PPM1F: variants seen among roughly 807,000 people sequenced by gnomAD.
The protein encoded by PPM1F is protein phosphatase, Mg2+/Mn2+ dependent 1F.
In PPM1F, 17 loss-of-function variants were observed where a neutral mutation model predicts 35.5. The ratio of observed to expected loss-of-function variants is 0.48; its 90% confidence interval spans 0.33 to 0.72. The LOEUF is 0.72. Ranked by LOEUF, PPM1F falls within the 30% of genes least tolerant of loss-of-function variation. The pLI is 0.02. For missense variants in PPM1F, 521 were observed against 613.0 expected (o/e 0.85, Z 1.59); for synonymous variants, 241 against 255.5 (o/e 0.94, Z 0.54).
chr22:21,923,287 G>T lies in PPM1F; in HGVS notation c.1170C>A (p.Ala390=), dbSNP rs141445899. The change falls in exon 8 of 8, where the codon GCC becomes GCA. Residue 390 remains alanine (A), a synonymous_variant. Transcript: ENST00000263212. The part of the protein sequence containing the change: ...TRQQGSGLRV[A]EELVAAARER... ...CCCGGGCCGCAGCCACCAGCTCCTC[G>T]GCGACACGGAGCCCGCTGCCCTGCT... is the stretch of plus-strand genomic sequence containing the variant. The T allele has an allele frequency of 6.2e-7, 1 of 1,613,428 alleles. No individual in the cohort carries two copies. Among genetic ancestry groups the T allele is most frequent in the Non-Finnish European group, 8.5e-7 (1 of 1,179,942 alleles).
At chr22:21,946,645 G>C (rs1331397801) in intron 1 of PPM1F, 1 of 152,402 alleles carries the variant, frequency 6.6e-6, no homozygotes, top group Non-Finnish European at 1.5e-5. Flanking sequence ...AGGCCAGAGT[G>C]GGAGCAGGAA....
intron 7 of PPM1F, chr22:21,925,187 G>A (rs936425274): frequency 2.3e-5 from 8 of 348,004 alleles, no homozygotes; most frequent in Admixed American, 4.6e-5. Flanking sequence ...GAGCCACCGC[G>A]CCCAGCGAAC....
intron 7 of PPM1F, among the ~76,000 whole-genome samples, chr22:21,923,738 C>T (rs1413296810): frequency 3.9e-5 from 6 of 151,942 alleles, no homozygotes; most frequent in Admixed American, 1.3e-4. Flanking sequence ...GCTGCAGTGG[C>T]GCGATCTCAG....
chr22:21,925,529 G>C, intron 7 of PPM1F, 40 bp downstream of exon 7: 2 of 1,592,060 alleles, frequency 1.3e-6, no homozygotes, highest in Non-Finnish European at 1.7e-6. Context: ...GGGCTTCCGA[G>C]AGACCTTCTC....
At chr22:21,938,115 T>C (rs1351244490) in intron 3 of PPM1F, 7 of 1,298,954 alleles carry the variant, frequency 5.4e-6, no homozygotes, top group Non-Finnish European at 6.1e-6. Context: ...CGAGACTTCC[T>C]TCTAGCTGCG....
At chr22:21,933,162 C>T (rs981233129) in intron 5 of PPM1F, among the ~76,000 whole-genome samples, 2 of 152,234 alleles carry the variant, frequency 1.3e-5, no homozygotes, top group Non-Finnish European at 2.9e-5. Flanking sequence ...CCCTCTGCGC[C>T]AGGCAGGTCT....
chr22:21,947,632 T>G (rs2070790267), intron 1 of PPM1F: 1 of 152,120 alleles, frequency 6.6e-6, no homozygotes. Context: ...GACTTCCAGG[T>G]TCTGAAAACT....
chr22:21,930,013 C>T (rs571323891), intron 6 of PPM1F, among the ~76,000 whole-genome samples: 2 of 152,250 alleles, frequency 1.3e-5, no homozygotes, highest in Admixed American at 1.3e-4. Flanking sequence ...GACAAGGAAC[C>T]AACCTCCTTC....
chr22:21,925,763 G>T (rs2070506851), intron 6 of PPM1F, 101 bp from the exon 7 acceptor site: 2 of 900,950 alleles, frequency 2.2e-6, no homozygotes, highest in East Asian at 2.7e-5. Context: ...TAAGACAGCA[G>T]CATTCAAAGC....
At chr22:21,945,749 G>T in intron 2 of PPM1F, 94 bp downstream of exon 2, 1 of 1,316,222 alleles carries the variant, frequency 7.6e-7, no homozygotes, top group Non-Finnish European at 1.0e-6. Flanking sequence ...TCCCCGTGTG[G>T]GGCTGGACGT....
chr22:21,938,068 T>A, intron 3 of PPM1F: 1 of 1,267,648 alleles, frequency 7.9e-7, no homozygotes, highest in South Asian at 1.3e-5. Flanking sequence ...CAGGCCTGCA[T>A]GCGAGGCACT....
At position 21,945,853 on chromosome 22, in the gene PPM1F, G is replaced by T; in HGVS notation, c.196C>A (p.Leu66Met). The T allele has an allele frequency of 6.2e-7, 1 of 1,609,986 alleles. No homozygotes were observed. ...GELAELAMGF[L>M]GSRKAPPPLA... Reference sequence around the variant, plus strand: ...GGTGCACAGGCCTACCTGCTGCCCAGAAAGCCCATGGCCAGCTCAGCCAGC... The same window carrying T: ...GGTGCACAGGCCTACCTGCTGCCCATAAAGCCCATGGCCAGCTCAGCCAGC... The change falls in exon 2 of 8, where the codon CTG (leucine) becomes ATG (methionine). Residue 66 changes from leucine (L) to methionine (M), a missense_variant. Coordinates refer to ENST00000263212, the MANE Select transcript of PPM1F (RefSeq NM_014634.4).
At chr22:21,938,704 T>TAGCAACGTCCCACCCA in intron 3 of PPM1F, 3 of 687,988 alleles carry the variant, frequency 4.4e-6, no homozygotes, top group Non-Finnish European at 5.4e-6. Context: ...TTCAGCTGGG[T>TAGCAACGTCCCACCCA]GGGACGTTGC....
rs2070450137 is a variant in PPM1F at position 21,921,716 on chromosome 22, C to G, written c.*1376G>C. Reference sequence around the variant, plus strand: ...CTGCCTCCAGACTGAGACAGAGACCCACGGGCTGCCTCTGTGCTTGCCTGA... The same window carrying G: ...CTGCCTCCAGACTGAGACAGAGACCGACGGGCTGCCTCTGTGCTTGCCTGA... On this transcript the variant is annotated 3_prime_UTR_variant, in exon 8 of 8. Transcript: ENST00000263212. 6.6e-6 allele frequency: 1 copy of G among 152,316 alleles called. No homozygotes were observed. Among genetic ancestry groups the G allele is most frequent in the Non-Finnish European group, 1.5e-5 (1 of 68,080 alleles). The allele number at this position is 152,316 out of a possible 1,614,324, so 9.4% of individuals were successfully genotyped here. A position where few individuals can be genotyped will look rare whatever the true frequency, so the allele number is the denominator to read the frequency against.
Position 21,939,629 on chromosome 22 carries a change from C to T in PPM1F, c.258G>A (p.Gln86=). The T allele has an allele frequency of 1.3e-6, 2 of 1,558,172 alleles. No homozygotes were observed. The highest frequency in any genetic ancestry group is 1.7e-6 in the Non-Finnish European group (2 of 1,149,938). The change falls in exon 3 of 8, where the codon CAG becomes CAA. Residue 86 remains glutamine (Q), a synonymous_variant. Transcript: ENST00000263212. This position sits in a 1 kb window ranked among gnomAD's most constrained non-coding sequence, Gnocchi z 5.1. The part of the protein sequence containing the change: ...AAALAHEAVS[Q]LLQTDLSEFR... ...ATTCGGAAAGGTCTGTCTGTAGCAG[C>T]TGTGAAACTGCTTCGTGGGCCAGAG... is the stretch of plus-strand genomic sequence containing the variant.
chr22:21,923,563 G>C, intron 7 of PPM1F, 92 bp from the exon 8 acceptor site: 1 of 1,390,734 alleles, frequency 7.2e-7, no homozygotes, highest in South Asian at 1.4e-5. Flanking sequence ...ATCCTGCAGG[G>C]ACAGAGACCA....
At position 21,934,011 on chromosome 22, in the gene PPM1F, C is replaced by A; in HGVS notation, c.558+13G>T. ...TCCGAAGCTGTCCCCAGGGTCTGGA[C>A]GGGAGCACTCACAGACAAGCCGAAG... On this transcript the variant is annotated intron_variant, in intron 4 of 7. Transcript: ENST00000263212. The A allele has an allele frequency of 6.5e-7, 1 of 1,542,228 alleles. No individual in the cohort carries two copies. Among genetic ancestry groups the A allele is most frequent in the Non-Finnish European group, 8.8e-7 (1 of 1,140,456 alleles).
chr22:21,940,290 T>C (rs1271583150), intron 2 of PPM1F, among the ~76,000 whole-genome samples: 1 of 152,058 alleles, frequency 6.6e-6, no homozygotes, highest in Non-Finnish European at 1.5e-5. Context: ...CTGGCCAACA[T>C]GGTAAAACCT....
At chr22:21,924,879 CT>C (rs2070493335) in intron 7 of PPM1F, 2 of 146,916 alleles carry the variant, frequency 1.4e-5, no homozygotes, top group African/African-American at 5.0e-5. Context: ...AGACCCATTA[CT>C]TTTTAAAATT....
Sources: gnomAD v4.1 joint callset for allele counts (sites outside exome capture counted in the v4.1 genomes callset) on GRCh38, gnomAD v4.1.1 for gene constraint, Gnocchi (gnomAD v3.1) non-coding constraint, MANE v1.5 for transcripts, NCBI Gene and HGNC (gene_info 2026-07-23, HGNC 2026-07-21) for gene names.